The following TENM3 variants were observed in gnomAD, a reference collection of about 807,000 sequenced individuals.
TENM3 encodes the protein teneurin transmembrane protein 3.
TENM3 carries 63 observed loss-of-function variants against 255.1 expected under a neutral mutation model. The observed-to-expected ratio is 0.25, with a 90% CI of 0.20 to 0.30. The LOEUF (loss-of-function observed/expected upper bound fraction) is 0.30, where lower values mean the gene tolerates loss of function less well. Among genes scored for constraint, TENM3 ranks in the 10% least tolerant of loss-of-function variants. The pLI is 1.00. For synonymous variants in TENM3, 1,306 were observed against 1,322.3 expected (o/e 0.99, Z 0.27); for missense variants, 2,929 against 3,461.1 (o/e 0.85, Z 3.86).
At chr4:181,582,112 G>A in the TENM3 span, among the ~76,000 whole-genome samples, 1 of 152,234 alleles carries the variant, frequency 6.6e-6, no homozygotes, top group East Asian at 1.9e-4. Flanking sequence ...GTTTGCTTTC[G>A]GGATAAAGTT....
the TENM3 span, among the ~76,000 whole-genome samples, chr4:181,856,666 G>A: frequency 6.6e-6 from 1 of 152,208 alleles, no homozygotes; most frequent in African/African-American, 2.4e-5. Flanking sequence ...ACTTCTTGGT[G>A]TGGCGTGAGG....
intron 4 of TENM3, among the ~76,000 whole-genome samples, chr4:182,602,195 G>A (rs550998317): frequency 3.1e-4 from 47 of 152,286 alleles, no homozygotes; most frequent in Non-Finnish European, 6.0e-4. Flanking sequence ...GCAGCTTTGC[G>A]GGGAGGTTCC....
At chr4:182,574,205 C>T (rs1240933677) in intron 3 of TENM3, among the ~76,000 whole-genome samples, 2 of 152,038 alleles carry the variant, frequency 1.3e-5, no homozygotes, top group African/African-American at 4.8e-5. Context: ...TGCCTCTTTT[C>T]AATCTTTTAA....
At chr4:181,742,769 G>A in the TENM3 span, among the ~76,000 whole-genome samples, 1 of 151,748 alleles carries the variant, frequency 6.6e-6, no homozygotes, top group Non-Finnish European at 1.5e-5. Context: ...CTGATGCGCT[G>A]CACCCACTAA....
rs55836889 is a variant in TENM3 at position 182,426,007 on chromosome 4, C to CAAAAAAAAAAAAAAAAAAAAAAAAAAA, written c.511+79101_511+79102insAAAAAAAAAAAAAAAAAAAAAAAAAAA. ...TAAGAGACAGAGCGAGAGTCCATGT[C>CAAAAAAAAAAAAAAAAAAAAAAAAAAA]AAAAAAAAAAAAAAAAAAAAAAACA... On this transcript the variant is annotated intron_variant, in intron 3 of 27. Coordinates refer to ENST00000511685, the MANE Select transcript of TENM3 (RefSeq NM_001080477.4). 1.0e-3 allele frequency among the ~76,000 whole-genome samples: 92 copies of CAAAAAAAAAAAAAAAAAAAAAAAAAAA among 90,726 alleles called. 2 individuals carry two copies. The highest frequency in any genetic ancestry group is 1.6e-3 in the African/African-American group (36 of 22,624). 59.5% of individuals were successfully genotyped at this position (90,726 alleles called of 152,430 possible). A position where few individuals can be genotyped will look rare whatever the true frequency, so the allele number is the denominator to read the frequency against.
chr4:182,223,304 G>A (rs1755953279), intron 1 of TENM3, among the ~76,000 whole-genome samples: 1 of 152,230 alleles, frequency 6.6e-6, no homozygotes, highest in South Asian at 2.1e-4. Context: ...GGGCAAGAAA[G>A]ACAATGTATA....
chr4:181,997,204 C>G, the TENM3 span, among the ~76,000 whole-genome samples: 1 of 152,084 alleles, frequency 6.6e-6, no homozygotes, highest in African/African-American at 2.4e-5. Context: ...CTAGTTGATT[C>G]GTAAATAGTT....
At chr4:181,517,557 C>A in the TENM3 span, among the ~76,000 whole-genome samples, 5 of 152,218 alleles carry the variant, frequency 3.3e-5, no homozygotes, top group Admixed American at 3.3e-4. Flanking sequence ...ACAAAAACTT[C>A]TCTTCGCACA....
At chr4:182,075,667 C>T in the TENM3 span, among the ~76,000 whole-genome samples, 30 of 152,116 alleles carry the variant, frequency 2.0e-4, no homozygotes, top group African/African-American at 5.1e-4. Flanking sequence ...TCAAAACATG[C>T]GTTCCTTTTC....
chr4:182,412,394 T>A (rs1454976078), intron 3 of TENM3, among the ~76,000 whole-genome samples: 1 of 152,160 alleles, frequency 6.6e-6, no homozygotes, highest in East Asian at 1.9e-4. Flanking sequence ...AGGGAATATA[T>A]AAAATACTAT....
the TENM3 span, among the ~76,000 whole-genome samples, chr4:181,629,995 A>T: frequency 6.6e-6 from 1 of 152,148 alleles, no homozygotes; most frequent in South Asian, 2.1e-4. Context: ...TAGGCTATTA[A>T]TTATTGCCTC....
chr4:181,949,786 C>T, the TENM3 span, among the ~76,000 whole-genome samples: 24 of 152,108 alleles, frequency 1.6e-4, no homozygotes, highest in Non-Finnish European at 3.2e-4. Context: ...CGTTCCTCCT[C>T]AGTCCTCCTC....
intron 7 of TENM3, among the ~76,000 whole-genome samples, chr4:182,675,976 T>G (rs1489612746): frequency 6.6e-6 from 1 of 152,256 alleles, no homozygotes; most frequent in East Asian, 1.9e-4. Context: ...TTTCTTAAGC[T>G]TCACGGTTAT....
chr4:181,693,397 G>T, the TENM3 span, among the ~76,000 whole-genome samples: 2 of 152,084 alleles, frequency 1.3e-5, no homozygotes, highest in Non-Finnish European at 2.9e-5. Context: ...TTTTATGTTG[G>T]TGTGTTAATT....
chr4:182,118,439 A>T, the TENM3 span, among the ~76,000 whole-genome samples: 4 of 151,554 alleles, frequency 2.6e-5, no homozygotes, highest in Non-Finnish European at 4.4e-5. Context: ...AGATTTTTAA[A>T]TTTTATTTTT....
the TENM3 span, among the ~76,000 whole-genome samples, chr4:182,017,402 G>A: frequency 6.6e-6 from 1 of 152,160 alleles, no homozygotes; most frequent in Non-Finnish European, 1.5e-5. Context: ...ACTTTTTCCT[G>A]GATTGAGTTT....
intron 3 of TENM3, among the ~76,000 whole-genome samples, chr4:182,391,680 A>G (rs1405063104): frequency 6.6e-6 from 1 of 152,234 alleles, no homozygotes. Flanking sequence ...AATGCACTGT[A>G]TAGACTATTT....
At chr4:181,697,389 T>G in the TENM3 span, among the ~76,000 whole-genome samples, 1 of 152,066 alleles carries the variant, frequency 6.6e-6, no homozygotes, top group Non-Finnish European at 1.5e-5. Context: ...TTTTGTGTGT[T>G]TGTTTTTGTT....
At chr4:181,682,822 G>A in the TENM3 span, among the ~76,000 whole-genome samples, 1 of 151,990 alleles carries the variant, frequency 6.6e-6, no homozygotes, top group Non-Finnish European at 1.5e-5. Flanking sequence ...TAAAGGGAGA[G>A]GCTTCACTGG....
Sources: gnomAD v4.1 joint callset for allele counts (sites outside exome capture counted in the v4.1 genomes callset) on GRCh38, gnomAD v4.1.1 for gene constraint, MANE v1.5 for transcripts, NCBI Gene and HGNC (gene_info 2026-07-23, HGNC 2026-07-21) for gene names.